The following ACAP2 variants were observed in gnomAD, a reference collection of about 807,000 sequenced individuals.
ACAP2 encodes arf-GAP with coiled-coil, ANK repeat and PH domain-containing protein 2.
ACAP2 carries 39 observed loss-of-function variants against 115.8 expected under a neutral mutation model. The observed-to-expected ratio is 0.34, with a 90% confidence interval of 0.26 to 0.44. The LOEUF is 0.44. Ranked by LOEUF, ACAP2 falls within the 20% of genes least tolerant of loss-of-function variation. The pLI is 1.00. For missense variants in ACAP2, 662 were observed against 927.6 expected, an observed-to-expected ratio of 0.71 and a Z score of 3.72; for synonymous variants, 289 against 315.8, an observed-to-expected ratio of 0.92 and a Z score of 0.90.
chr3:195,303,056 A>C (rs1434099802), intron 13 of ACAP2, among the ~76,000 whole-genome samples: 1 of 152,228 alleles, frequency 6.6e-6, no homozygotes, highest in African/African-American at 2.4e-5. Context: ...TCTACTAAAA[A>C]TACAAAAAAA....
intron 1 of ACAP2, among the ~76,000 whole-genome samples, chr3:195,437,138 C>G (rs1323117841): frequency 6.6e-6 from 1 of 152,146 alleles, no homozygotes; most frequent in African/African-American, 2.4e-5. Context: ...ACCTCAAACT[C>G]CAGGGCATCA....
chr3:195,288,886 A>C (rs1352197612), intron 21 of ACAP2, among the ~76,000 whole-genome samples: 1 of 152,238 alleles, frequency 6.6e-6, no homozygotes, highest in East Asian at 1.9e-4. Flanking sequence ...ACACTATAGT[A>C]TAACAACTAC....
At chr3:195,297,673 AG>A (rs1727746220) in intron 15 of ACAP2, among the ~76,000 whole-genome samples, 1 of 152,252 alleles carries the variant, frequency 6.6e-6, no homozygotes, top group African/African-American at 2.4e-5. Context: ...GTGTTAGGAC[AG>A]TAAGTTAAAC....
At chr3:195,300,541 A>C (rs1161827117) in intron 15 of ACAP2, among the ~76,000 whole-genome samples, 1 of 152,232 alleles carries the variant, frequency 6.6e-6, no homozygotes. Context: ...AGACACAGGG[A>C]AAAAAGGAAG....
chr3:195,319,019 G>T (rs1156258353), intron 10 of ACAP2, among the ~76,000 whole-genome samples: 1 of 152,208 alleles, frequency 6.6e-6, no homozygotes, highest in Non-Finnish European at 1.5e-5. Context: ...GGGACTTGGT[G>T]CCCTGCAACC....
chr3:195,295,185 G>C (rs1279292414), intron 17 of ACAP2: 2 of 1,273,534 alleles, frequency 1.6e-6, no homozygotes, highest in African/African-American at 3.1e-5. Context: ...CTCCACAAGA[G>C]TAGTACTTAC....
At chr3:195,306,746 A>G in intron 12 of ACAP2, 130 bp from the exon 13 acceptor site, 2 of 658,068 alleles carry the variant, frequency 3.0e-6, no homozygotes, top group Non-Finnish European at 4.9e-6. Context: ...TTGTTGAAAG[A>G]AGGTTTTATT....
intron 21 of ACAP2, among the ~76,000 whole-genome samples, chr3:195,288,750 A>G (rs1017324524): frequency 2.6e-5 from 4 of 151,912 alleles, no homozygotes; most frequent in Admixed American, 1.3e-4. Context: ...CCCAGCGACT[A>G]GGGAGGCTGA....
At chr3:195,290,294 G>A (rs1392355901) in intron 20 of ACAP2, among the ~76,000 whole-genome samples, 1 of 152,056 alleles carries the variant, frequency 6.6e-6, no homozygotes, top group South Asian at 2.1e-4. Context: ...CTGAGCCCCA[G>A]AATTCAAGGC....
chr3:195,375,100 G>A (rs1178581416), intron 4 of ACAP2, among the ~76,000 whole-genome samples: 1 of 151,918 alleles, frequency 6.6e-6, no homozygotes, highest in African/African-American at 2.4e-5. Flanking sequence ...GCTGAGGCAG[G>A]AGAATCGCTT....
intron 17 of ACAP2, 82 bp from the exon 18 acceptor site, chr3:195,294,893 G>T: frequency 1.2e-6 from 1 of 821,626 alleles, no homozygotes; most frequent in Non-Finnish European, 2.0e-6. Flanking sequence ...TTTAAAATGA[G>T]CTCTTACACA....
chr3:195,419,370 A>T (rs556820090), intron 1 of ACAP2: 1 of 152,296 alleles, frequency 6.6e-6, no homozygotes, highest in Non-Finnish European at 1.5e-5. Context: ...AGGATTTGAA[A>T]GTTATTTCAC....
At chr3:195,345,048 G>C (rs1010091864) in intron 5 of ACAP2, among the ~76,000 whole-genome samples, 2 of 152,102 alleles carry the variant, frequency 1.3e-5, no homozygotes, top group African/African-American at 4.8e-5. Context: ...TCCAGAACAC[G>C]TATTTGTGGA....
intron 1 of ACAP2, among the ~76,000 whole-genome samples, chr3:195,437,688 G>A (rs1444986568): frequency 4.0e-5 from 6 of 151,330 alleles, no homozygotes; most frequent in South Asian, 2.1e-4. Context: ...GGTGGCAGGC[G>A]CCTGTAATCC....
At chr3:195,333,538 T>C (rs1330905412) in intron 7 of ACAP2, among the ~76,000 whole-genome samples, 1 of 152,186 alleles carries the variant, frequency 6.6e-6, no homozygotes, top group Non-Finnish European at 1.5e-5. Flanking sequence ...AGTCATCTGT[T>C]TTAAAAGTGT....
chr3:195,336,637 T>A (rs1334335323), intron 7 of ACAP2: 4 of 248,020 alleles, frequency 1.6e-5, no homozygotes, highest in Admixed American at 5.6e-5. Flanking sequence ...CAAATGGTAC[T>A]GGGCATCTAG....
chr3:195,347,180 A>T (rs899572193), intron 4 of ACAP2, among the ~76,000 whole-genome samples: 8 of 152,218 alleles, frequency 5.3e-5, no homozygotes, highest in Admixed American at 1.3e-4. Flanking sequence ...ATAGATTTTT[A>T]AATGAATTAA....
intron 4 of ACAP2, among the ~76,000 whole-genome samples, chr3:195,367,506 T>C (rs1732808723): frequency 6.6e-6 from 1 of 152,172 alleles, no homozygotes; most frequent in South Asian, 2.1e-4. Context: ...GCAACCTATA[T>C]ATATGACCAC....
intron 1 of ACAP2, among the ~76,000 whole-genome samples, chr3:195,408,205 T>C (rs1054493336): frequency 1.3e-5 from 2 of 152,184 alleles, no homozygotes; most frequent in Non-Finnish European, 2.9e-5. Context: ...CTCATGCCTG[T>C]AATCCCAGCA....
Sources: allele counts gnomAD v4.1 joint callset (sites outside exome capture counted in the v4.1 genomes callset), GRCh38; gene constraint gnomAD v4.1.1; transcripts MANE v1.5; gene names NCBI Gene and HGNC (gene_info 2026-07-23, HGNC 2026-07-21).